MCTP1: variants seen among roughly 807,000 people sequenced by gnomAD.
MCTP1 encodes multiple C2 and transmembrane domain-containing protein 1.
In MCTP1, 69 loss-of-function variants were observed where a neutral mutation model predicts 120.6. That is an observed-to-expected ratio of 0.57 (90% CI 0.47 to 0.70). MCTP1 has a LOEUF of 0.70. MCTP1 is among the 30% of genes least tolerant of loss of function. The pLI is 0.00. For synonymous variants in MCTP1, 529 were observed against 493.1 expected (o/e 1.07, Z -0.96); for missense variants, 1,203 against 1,248.8 (o/e 0.96, Z 0.55).
At chr5:95,160,237 A>T (rs1157029226) in intron 1 of MCTP1, among the ~76,000 whole-genome samples, 1 of 152,192 alleles carries the variant, frequency 6.6e-6, no homozygotes, top group Non-Finnish European at 1.5e-5. Context: ...TGGGTGAGAA[A>T]TGATGAAGAT....
chr5:94,853,366 T>C (rs1794123831), intron 17 of MCTP1, among the ~76,000 whole-genome samples: 1 of 151,978 alleles, frequency 6.6e-6, no homozygotes. Context: ...GGAATGTTAG[T>C]ATGGCTTTGA....
intron 17 of MCTP1, among the ~76,000 whole-genome samples, chr5:94,821,116 TTGCTTTGACGGAAC>T (rs2153102127): frequency 6.6e-6 from 1 of 152,220 alleles, no homozygotes; most frequent in South Asian, 2.1e-4. Context: ...AGTGCTAGAG[TTGCTTTGACGGAAC>T]TGCATTTTGG....
At chr5:94,969,393 T>C (rs1387618851) in intron 2 of MCTP1, among the ~76,000 whole-genome samples, 1 of 152,140 alleles carries the variant, frequency 6.6e-6, no homozygotes, top group Non-Finnish European at 1.5e-5. Flanking sequence ...TGTAAATAGC[T>C]GTCTATTAAT....
At chr5:94,796,466 A>AC (rs1352452374) in intron 18 of MCTP1, among the ~76,000 whole-genome samples, 1 of 151,180 alleles carries the variant, frequency 6.6e-6, no homozygotes, top group Non-Finnish European at 1.5e-5. Flanking sequence ...ACGGGAAAAT[A>AC]CCATACTTCC....
intron 2 of MCTP1, among the ~76,000 whole-genome samples, chr5:95,011,163 A>C (rs1424670204): frequency 6.6e-6 from 1 of 152,072 alleles, no homozygotes; most frequent in Non-Finnish European, 1.5e-5. Context: ...GCTCATGGAG[A>C]AATACTTCGA....
chr5:94,859,778 C>T (rs1232049468), intron 17 of MCTP1, among the ~76,000 whole-genome samples: 4 of 151,664 alleles, frequency 2.6e-5, no homozygotes, highest in Admixed American at 6.6e-5. Context: ...TAACACTTCT[C>T]GTATACAACC....
At chr5:94,879,357 C>T (rs1799580821) in intron 12 of MCTP1, among the ~76,000 whole-genome samples, 1 of 152,042 alleles carries the variant, frequency 6.6e-6, no homozygotes, top group African/African-American at 2.4e-5. Context: ...TTATGCAGGA[C>T]ATTTAGCATC....
At chr5:95,004,468 G>T (rs543480630) in intron 2 of MCTP1, among the ~76,000 whole-genome samples, 1 of 152,300 alleles carries the variant, frequency 6.6e-6, no homozygotes, top group Admixed American at 6.5e-5. Flanking sequence ...CATTTCAGAC[G>T]TCTTTGTGGC....
At chr5:94,719,288 A>C (rs906788186) in intron 19 of MCTP1, among the ~76,000 whole-genome samples, 37 of 152,186 alleles carry the variant, frequency 2.4e-4, no homozygotes, top group Non-Finnish European at 2.9e-5. Flanking sequence ...ATACCATTTG[A>C]CCCAGCATTC....
intron 1 of MCTP1, among the ~76,000 whole-genome samples, chr5:95,217,059 G>T (rs1753122938): frequency 6.6e-6 from 1 of 152,170 alleles, no homozygotes; most frequent in South Asian, 2.1e-4. Flanking sequence ...GCACAGTAAA[G>T]ATTTCAGAAA....
chr5:94,759,192 C>T (rs1770690363), intron 19 of MCTP1, among the ~76,000 whole-genome samples: 1 of 152,198 alleles, frequency 6.6e-6, no homozygotes, highest in Non-Finnish European at 1.5e-5. Flanking sequence ...CAAGGCATAT[C>T]TATCAAACCA....
At chr5:95,018,976 C>T (rs970317466) in intron 1 of MCTP1, among the ~76,000 whole-genome samples, 21 of 152,024 alleles carry the variant, frequency 1.4e-4, no homozygotes, top group African/African-American at 4.8e-4. Flanking sequence ...AACATAAACA[C>T]ATACATATAG....
chr5:95,283,741 T>C, intron 1 of MCTP1, 115 bp downstream of exon 1: 1 of 748,920 alleles, frequency 1.3e-6, no homozygotes, highest in Non-Finnish European at 1.9e-6. Context: ...TTAGAATTAA[T>C]AGCATTTCTC....
intron 1 of MCTP1, among the ~76,000 whole-genome samples, chr5:95,127,942 G>A (rs567108437): frequency 7.4e-4 from 113 of 152,248 alleles, no homozygotes; most frequent in Non-Finnish European, 1.0e-3. Context: ...GCTGGGCAGC[G>A]ACCAGATGGT....
intron 1 of MCTP1, among the ~76,000 whole-genome samples, chr5:95,138,431 T>G (rs1759624931): frequency 6.6e-6 from 1 of 152,214 alleles, no homozygotes; most frequent in Admixed American, 6.5e-5. Context: ...TGTAACTTTC[T>G]AGAAGAGCAA....
chr5:95,203,637 A>G (rs1751310643), intron 1 of MCTP1, among the ~76,000 whole-genome samples: 1 of 152,238 alleles, frequency 6.6e-6, no homozygotes, highest in African/African-American at 2.4e-5. Context: ...AATCAAATGA[A>G]TGAATTCATA....
At chr5:94,879,080 T>C (rs1735516597) in intron 12 of MCTP1, among the ~76,000 whole-genome samples, 1 of 152,020 alleles carries the variant, frequency 6.6e-6, no homozygotes, top group Admixed American at 6.6e-5. Context: ...GCTTGAGGCC[T>C]CTGATACTGG....
At chr5:94,792,247 C>A in intron 18 of MCTP1, 1 of 153,406 alleles carries the variant, frequency 6.5e-6, no homozygotes, top group Non-Finnish European at 1.5e-5. Flanking sequence ...TTCTCCAGGC[C>A]ACCACATCTA....
intron 1 of MCTP1, among the ~76,000 whole-genome samples, chr5:95,090,973 C>A (rs1042904399): frequency 6.6e-6 from 1 of 152,166 alleles, no homozygotes; most frequent in African/African-American, 2.4e-5. Context: ...TTTGCACCAA[C>A]CTAATACAAA....
Sources: gnomAD v4.1 joint callset for allele counts (sites outside exome capture counted in the v4.1 genomes callset) on GRCh38, gnomAD v4.1.1 for gene constraint, MANE v1.5 for transcripts, NCBI Gene and HGNC (gene_info 2026-07-23, HGNC 2026-07-21) for gene names.